Variants in TNFRSF10A observed in about 807,000 individuals in gnomAD.
TNFRSF10A encodes the protein tumor necrosis factor receptor superfamily member 10A.
Under a neutral mutation model 42.8 loss-of-function variants are expected in TNFRSF10A, and 44 were observed. That is an observed-to-expected ratio of 1.03 (90% CI 0.81 to 1.32). The LOEUF (loss-of-function observed/expected upper bound fraction) is 1.32. Among genes scored for constraint, TNFRSF10A ranks in the 40% most tolerant of loss-of-function variants. TNFRSF10A has a pLI of 0.00. For missense variants in TNFRSF10A, 680 were observed against 602.0 expected, an observed-to-expected ratio of 1.13 and a Z score of -1.36; for synonymous variants, 259 against 234.2, an observed-to-expected ratio of 1.11 and a Z score of -0.97.
chr8:23,201,963 T>G, intron 3 of TNFRSF10A, 44 bp from the exon 4 acceptor site: 1 of 1,578,378 alleles, frequency 6.3e-7, no homozygotes, highest in Non-Finnish European at 8.7e-7. Context: ...TTCCCTGACG[T>G]GTCCCTTGAC....
intron 1 of TNFRSF10A, among the ~76,000 whole-genome samples, chr8:23,216,444 T>C (rs1459631384): frequency 6.6e-6 from 1 of 152,050 alleles, no homozygotes; most frequent in South Asian, 2.1e-4. Context: ...TTCATCATCA[T>C]CCCCAAAAGA....
In TNFRSF10A at chr8:23,212,119, G is replaced by C; in HGVS notation, c.400C>G (p.Pro134Ala). 5 of 1,613,090 alleles carry C rather than the reference G, an allele frequency of 3.1e-6. No individual in the cohort carries two copies. The highest frequency in any genetic ancestry group is 4.2e-6 in the Non-Finnish European group (5 of 1,179,210). The change falls in exon 2 of 10, where the codon CCA becomes GCA. Residue 134 changes from proline (P) to alanine (A), a missense_variant. By Grantham distance (27) the Pro-to-Ala change is conservative (BLOSUM62 -1). Coordinates refer to ENST00000221132, the MANE Select transcript of TNFRSF10A (RefSeq NM_003844.4). ...EHSPLGELCP[P>A]GSHRSEHPGA... The stretch of plus-strand genomic sequence containing the variant: ...AGAGATCAGTCTTAGAATGTACCTG[G>C]TGGACACAACTCTCCCAAAGGGCTA...
chr8:23,224,335 A>T, intron 1 of TNFRSF10A: 1 of 160,334 alleles, frequency 6.2e-6, no homozygotes, highest in Non-Finnish European at 1.3e-5. Flanking sequence ...AGAGAAGAAA[A>T]GAAGGACGGG....
rs1800750693 is a variant in TNFRSF10A, at chr8:23,191,385, G to GCAAACTTCA, written c.*308_*309insTGAAGTTTG. ...TGCAGTGGTGCAATCTCAGCTCACTGCCTCGTGGGTTCAAGTGATTCTCCT... is the reference window on the plus strand; with the variant it reads ...TGCAGTGGTGCAATCTCAGCTCACTGCAAACTTCACCTCGTGGGTTCAAGTGATTCTCCT... On this transcript the variant is annotated 3_prime_UTR_variant, in exon 10 of 10. Transcript: ENST00000221132. 2.4e-6 allele frequency: 1 copy of GCAAACTTCA among 408,210 alleles called. No homozygotes were observed. Among genetic ancestry groups the GCAAACTTCA allele is most frequent in the Admixed American group, 4.1e-5 (1 of 24,318 alleles). 25.3% of individuals were successfully genotyped at this position (408,210 alleles called of 1,614,324 possible). A position where few individuals can be genotyped will look rare whatever the true frequency, so the allele number is the denominator to read the frequency against.
chr8:23,207,509 A>G, intron 2 of TNFRSF10A: 1 of 342,862 alleles, frequency 2.9e-6, no homozygotes, highest in South Asian at 2.4e-5. Context: ...AACCCTTTTT[A>G]AAGACAGCAG....
chr8:23,211,965 T>C (rs1433738181), intron 2 of TNFRSF10A, 151 bp downstream of exon 2: 2 of 621,692 alleles, frequency 3.2e-6, no homozygotes, highest in Non-Finnish European at 5.4e-6. Flanking sequence ...TAAGTATCTG[T>C]TGAATAGAAG....
chr8:23,193,305 T>G (rs1380445231), intron 9 of TNFRSF10A, among the ~76,000 whole-genome samples: 1 of 152,160 alleles, frequency 6.6e-6, no homozygotes, highest in Non-Finnish European at 1.5e-5. Context: ...CCCGCTAACT[T>G]TGGCTGGAGG....
At chr8:23,224,645 C>T in intron 1 of TNFRSF10A, 111 bp downstream of exon 1, 1 of 1,370,494 alleles carries the variant, frequency 7.3e-7, no homozygotes, top group Non-Finnish European at 9.8e-7. Flanking sequence ...CCCGGACATG[C>T]CCCGCCACAA....
intron 9 of TNFRSF10A, 112 bp from the exon 10 acceptor site, chr8:23,192,125 G>T: frequency 6.7e-7 from 1 of 1,484,942 alleles, no homozygotes. Flanking sequence ...AGAGCCCCCT[G>T]CATGGGCAAA....
At chr8:23,218,907 C>G (rs1399234730) in intron 1 of TNFRSF10A, among the ~76,000 whole-genome samples, 2 of 152,220 alleles carry the variant, frequency 1.3e-5, no homozygotes, top group Non-Finnish European at 2.9e-5. Context: ...GTGCTAAGAA[C>G]AGAGCTTGGC....
chr8:23,212,509 A>G (rs1014414631), intron 1 of TNFRSF10A, among the ~76,000 whole-genome samples: 2 of 152,242 alleles, frequency 1.3e-5, no homozygotes, highest in Non-Finnish European at 2.9e-5. Context: ...TATTTCAATT[A>G]GCATAAAATC....
At chr8:23,195,665 A>G (rs1800813356) in intron 9 of TNFRSF10A, among the ~76,000 whole-genome samples, 1 of 152,250 alleles carries the variant, frequency 6.6e-6, no homozygotes, top group African/African-American at 2.4e-5. Flanking sequence ...TAATCAGGCC[A>G]CGTATATGGA....
At chr8:23,221,063 C>G (rs746049026) in intron 1 of TNFRSF10A, among the ~76,000 whole-genome samples, 34 of 152,202 alleles carry the variant, frequency 2.2e-4, no homozygotes, top group Non-Finnish European at 7.3e-5. Flanking sequence ...GGCGCTCCAC[C>G]CCATTCCTTA....
At chr8:23,197,946 A>G (rs1029406664) in intron 8 of TNFRSF10A, among the ~76,000 whole-genome samples, 35 of 152,190 alleles carry the variant, frequency 2.3e-4, no homozygotes, top group African/African-American at 8.4e-4. Context: ...CTCATTTTAA[A>G]TATATAAACT....
In TNFRSF10A at chr8:23,199,336, A is replaced by G; in HGVS notation, c.944T>C (p.Met315Thr). 1 of 1,614,024 alleles carries G rather than the reference A, an allele frequency of 6.2e-7. No individual in the cohort carries two copies. Among genetic ancestry groups the G allele is most frequent in the Non-Finnish European group, 8.5e-7 (1 of 1,179,976 alleles). The change falls in exon 8 of 10, where the codon ATG (methionine) becomes ACG (threonine). Residue 315 changes from methionine (M) to threonine (T), a missense_variant. By Grantham distance (81) the Met-to-Thr change is moderately conservative. Coordinates refer to ENST00000221132, the MANE Select transcript of TNFRSF10A (RefSeq NM_003844.4). Reference sequence around the variant, plus strand: ...CAAATCTGCCGGCTCCTGGCTTTCCATTTGCTGCTCAGAGACGAAAGTGGA... The same window carrying G: ...CAAATCTGCCGGCTCCTGGCTTTCCGTTTGCTGCTCAGAGACGAAAGTGGA... The part of the protein sequence containing the change: ...SLSTFVSEQQ[M>T]ESQEPADLTG...
intron 1 of TNFRSF10A, among the ~76,000 whole-genome samples, chr8:23,217,061 C>T (rs1232961956): frequency 1.3e-5 from 2 of 152,134 alleles, no homozygotes; most frequent in African/African-American, 4.8e-5. Context: ...ATGTTCAGAT[C>T]TGTTATTTTA....
intron 8 of TNFRSF10A, 127 bp from the exon 9 acceptor site, chr8:23,197,331 G>A (rs1800838626): frequency 8.9e-7 from 1 of 1,128,386 alleles, no homozygotes; most frequent in Non-Finnish European, 1.3e-6. Flanking sequence ...CCATGGAGAT[G>A]GTGAAAAACC....
rs59039740 is a variant in TNFRSF10A at position 23,222,063 on chromosome 8, G to A, written c.306+2693C>T. Among the ~76,000 whole-genome samples the A allele has an allele frequency of 9.4e-3, 1,424 of 152,140 alleles. 24 individuals carry two copies. The highest frequency in any genetic ancestry group is 0.033 in the African/African-American group (1,372 of 41,506). On this transcript the variant is annotated intron_variant, in intron 1 of 9. Coordinates refer to ENST00000221132, the MANE Select transcript of TNFRSF10A (RefSeq NM_003844.4). ...GGCTAATTTTTTTCAATTTTTAGTA[G>A]AGACGGGGTTTCACCGTGTTAGCCA...
chr8:23,223,756 T>A (rs1801289773), intron 1 of TNFRSF10A, among the ~76,000 whole-genome samples: 1 of 152,240 alleles, frequency 6.6e-6, no homozygotes, highest in Non-Finnish European at 1.5e-5. Flanking sequence ...AGAGCCTTAA[T>A]GAACTTGAAA....
Sources: gnomAD v4.1 joint callset for allele counts (sites outside exome capture counted in the v4.1 genomes callset) on GRCh38, gnomAD v4.1.1 for gene constraint, MANE v1.5 for transcripts, NCBI Gene and HGNC (gene_info 2026-07-23, HGNC 2026-07-21) for gene names.